PRR5L: variants seen among roughly 807,000 people sequenced by gnomAD.
The protein encoded by PRR5L is proline rich 5 like, also known as proline-rich protein 5-like.
Under a neutral mutation model 36.4 loss-of-function variants are expected in PRR5L, and 21 were observed. The ratio of observed to expected loss-of-function variants is 0.58; its 90% CI spans 0.41 to 0.83. PRR5L has a LOEUF of 0.83. PRR5L is among the 40% of genes least tolerant of loss of function. The pLI is 0.00. For synonymous variants in PRR5L, 188 were observed against 197.0 expected (o/e 0.95, Z 0.38); for missense variants, 381 against 473.3 (o/e 0.80, Z 1.81).
chr11:36,415,239 C>T (rs747132043), intron 3 of PRR5L, among the ~76,000 whole-genome samples: 2 of 152,134 alleles, frequency 1.3e-5, no homozygotes, highest in African/African-American at 2.4e-5. Flanking sequence ...ATACTGGATA[C>T]TTTCTACAGG....
At chr11:36,437,518 C>A in intron 6 of PRR5L, 42 bp downstream of exon 6, 1 of 1,266,000 alleles carries the variant, frequency 7.9e-7, no homozygotes, top group Non-Finnish European at 1.1e-6. Context: ...CCTCAGCGAT[C>A]TGTCTTCTCT....
At chr11:36,392,665 T>G (rs147012641) in intron 1 of PRR5L, among the ~76,000 whole-genome samples, 2,966 of 152,216 alleles carry the variant, frequency 0.019, 95 homozygotes, top group African/African-American at 0.068. Context: ...TCCGCATGGC[T>G]AGGGAGGCCT....
intron 1 of PRR5L, among the ~76,000 whole-genome samples, chr11:36,303,653 C>T (rs1322476946): frequency 6.6e-6 from 1 of 152,182 alleles, no homozygotes; most frequent in Non-Finnish European, 1.5e-5. Context: ...AATTGTCTCT[C>T]AACTCACTAA....
chr11:36,414,893 G>T (rs549325751), intron 3 of PRR5L, among the ~76,000 whole-genome samples: 181 of 141,394 alleles, frequency 1.3e-3, no homozygotes, highest in African/African-American at 4.6e-3. Context: ...TTTGTATAAG[G>T]TGTAAGGAAG....
intron 1 of PRR5L, among the ~76,000 whole-genome samples, chr11:36,343,809 A>C (rs1161688465): frequency 6.6e-5 from 10 of 152,258 alleles, no homozygotes; most frequent in Admixed American, 6.5e-4. Flanking sequence ...TGGAAAGCTT[A>C]AGTCACCTAT....
rs912201279 is a variant in PRR5L at position 36,414,517 on chromosome 11, G to A, written c.246-4738G>A. On this transcript the variant is annotated intron_variant, in intron 3 of 8. Coordinates refer to ENST00000530639, the MANE Select transcript of PRR5L (RefSeq NM_001160167.2). ...TGGCTGCATAAATGTCTTCTTTTGA[G>A]AAGTGTCTGTTCATGTCCTTCGCCC... 9.6e-4 allele frequency among the ~76,000 whole-genome samples: 141 copies of A among 146,862 alleles called. 11 individuals are homozygous for A. The highest frequency in any genetic ancestry group is 3.5e-3 in the African/African-American group (136 of 38,788).
At chr11:36,371,852 G>A (rs1251603840) in intron 1 of PRR5L, among the ~76,000 whole-genome samples, 2 of 151,966 alleles carry the variant, frequency 1.3e-5, no homozygotes, top group Non-Finnish European at 2.9e-5. Context: ...CGAGGTCAAC[G>A]GTTGGAGACC....
In PRR5L at chr11:36,422,645, G is replaced by C. The variant is rs77450143; in HGVS notation, c.294+3342G>C. Among the ~76,000 whole-genome samples, 756 of 152,234 alleles carry C rather than the reference G, an allele frequency of 5.0e-3. 14 individuals carry two copies. Among genetic ancestry groups the C allele is most frequent in the East Asian group, 0.043 (220 of 5,172 alleles). Reference sequence around the variant, plus strand: ...GTCTTAACACAGAATGTCCTGAGTGGGGAATAATGAAAATGACCCCAGGTG... The same window carrying C: ...GTCTTAACACAGAATGTCCTGAGTGCGGAATAATGAAAATGACCCCAGGTG... On this transcript the variant is annotated intron_variant, in intron 4 of 8. Coordinates refer to ENST00000530639, the MANE Select transcript of PRR5L (RefSeq NM_001160167.2).
rs184231726 is a variant in PRR5L at position 36,456,005 on chromosome 11, A to T, written c.712+4670A>T. Among the ~76,000 whole-genome samples the T allele has an allele frequency of 2.0e-4, 31 of 152,268 alleles. No individual in the cohort carries two copies. In the East Asian group the frequency reaches 5.4e-3, roughly 27 times the overall value. On this transcript the variant is annotated intron_variant, in intron 8 of 8. Transcript: ENST00000530639. The stretch of plus-strand genomic sequence containing the variant: ...AGAGCTGTAGCCTCTCCTGTGAGTC[A>T]TCAGCAGGGGGAGAGAGGCTGAGGC...
intron 1 of PRR5L, among the ~76,000 whole-genome samples, chr11:36,327,728 T>C (rs1168183011): frequency 6.6e-6 from 1 of 152,180 alleles, no homozygotes; most frequent in Non-Finnish European, 1.5e-5. Context: ...CAATCCCTTA[T>C]CTTAACCCTG....
At chr11:36,428,252 T>C (rs1192461460) in intron 4 of PRR5L, among the ~76,000 whole-genome samples, 1 of 152,110 alleles carries the variant, frequency 6.6e-6, no homozygotes, top group Non-Finnish European at 1.5e-5. Flanking sequence ...GGGCCATGGG[T>C]GAGCTGGGGC....
At chr11:36,338,308 C>T (rs1367432708) in intron 1 of PRR5L, among the ~76,000 whole-genome samples, 1 of 152,112 alleles carries the variant, frequency 6.6e-6, no homozygotes, top group Non-Finnish European at 1.5e-5. Flanking sequence ...TAAAACACAC[C>T]TTGTATTTGT....
chr11:36,361,712 T>C (rs1857090334), intron 1 of PRR5L, among the ~76,000 whole-genome samples: 1 of 152,230 alleles, frequency 6.6e-6, no homozygotes, highest in Non-Finnish European at 1.5e-5. Context: ...AGAGACAACC[T>C]TTTTCATTAC....
intron 1 of PRR5L, among the ~76,000 whole-genome samples, chr11:36,304,655 C>T (rs1269101529): frequency 6.6e-6 from 1 of 152,168 alleles, no homozygotes; most frequent in Admixed American, 6.5e-5. Flanking sequence ...AGTGTTGCAG[C>T]GAACTTCCTT....
At chr11:36,340,624 T>G (rs1029123972) in intron 1 of PRR5L, among the ~76,000 whole-genome samples, 2 of 152,076 alleles carry the variant, frequency 1.3e-5, no homozygotes, top group African/African-American at 2.4e-5. Context: ...GGCTTCAGAG[T>G]CTTTGCTTTG....
rs1386404453 is a variant in PRR5L at position 36,322,219 on chromosome 11, T to C, written c.-126+25781T>C. Among the ~76,000 whole-genome samples, 3 of 152,214 alleles carry C rather than the reference T, an allele frequency of 2.0e-5. 1 individual carries two copies. The highest frequency in any genetic ancestry group is 4.8e-5 in the African/African-American group (2 of 41,454). ...GAGATTAAGGCAGCTCTTTTATCAA[T>C]GAAATTATCTCAGCAGTCAGAAAAT... On this transcript the variant is annotated intron_variant, in intron 1 of 8. Transcript: ENST00000530639.
chr11:36,426,503 C>T (rs1858385520), intron 4 of PRR5L, among the ~76,000 whole-genome samples: 1 of 152,122 alleles, frequency 6.6e-6, no homozygotes, highest in Admixed American at 6.5e-5. Context: ...GAGCAGTCAA[C>T]AAGGTATAAG....
chr11:36,372,845 A>G (rs1857210733), intron 1 of PRR5L, among the ~76,000 whole-genome samples: 1 of 152,246 alleles, frequency 6.6e-6, no homozygotes, highest in Non-Finnish European at 1.5e-5. Context: ...AGTTCAAACA[A>G]TGTTGACCTC....
intron 1 of PRR5L, among the ~76,000 whole-genome samples, chr11:36,350,962 T>TATTTA (rs1856928695): frequency 1.1e-5 from 1 of 92,386 alleles, no homozygotes; most frequent in Non-Finnish European, 1.9e-5. Flanking sequence ...TTATATATAT[T>TATTTA]TATATATTTA....
Sources: gnomAD v4.1 joint callset for allele counts (sites outside exome capture counted in the v4.1 genomes callset) on GRCh38, gnomAD v4.1.1 for gene constraint, MANE v1.5 for transcripts, NCBI Gene and HGNC (gene_info 2026-07-23, HGNC 2026-07-21) for gene names.